Variants in USP49 observed in about 807,000 individuals in gnomAD.
USP49 encodes the protein ubiquitin specific peptidase 49, also known as ubiquitin carboxyl-terminal hydrolase 49.
Under a neutral mutation model 58.6 loss-of-function variants are expected in USP49, and 24 were observed. That is an observed-to-expected ratio of 0.41 (90% CI 0.30 to 0.58). The LOEUF (loss-of-function observed/expected upper bound fraction) is 0.58. Ranked by LOEUF, USP49 falls within the 20% of genes least tolerant of loss-of-function variation. The pLI is 0.30. For synonymous variants in USP49, 408 were observed against 365.1 expected, an observed-to-expected ratio of 1.12 and a Z score of -1.34; for missense variants, 703 against 866.1, an observed-to-expected ratio of 0.81 and a Z score of 2.36.
At chr6:41,863,854 C>T (rs1261932835) in intron 3 of USP49, among the ~76,000 whole-genome samples, 1 of 152,078 alleles carries the variant, frequency 6.6e-6, no homozygotes, top group Non-Finnish European at 1.5e-5. Context: ...CCTCCTCGGG[C>T]TCAGGTGATC....
chr6:41,845,866 T>C (rs1255736357), intron 3 of USP49, among the ~76,000 whole-genome samples: 1 of 152,178 alleles, frequency 6.6e-6, no homozygotes, highest in Non-Finnish European at 1.5e-5. Flanking sequence ...GCAGGATTGT[T>C]TCTTTGGGGA....
chr6:41,883,073 G>C (rs1472944343), intron 2 of USP49, among the ~76,000 whole-genome samples: 1 of 151,906 alleles, frequency 6.6e-6, no homozygotes. Flanking sequence ...GGAAACAAAG[G>C]ATATGAAGAG....
chr6:41,826,631 T>G (rs1214859091), intron 3 of USP49, among the ~76,000 whole-genome samples: 1 of 152,104 alleles, frequency 6.6e-6, no homozygotes. Context: ...GGTTTTATCT[T>G]CTGAGGTTGA....
chr6:41,883,947 T>C (rs146918865), intron 2 of USP49, among the ~76,000 whole-genome samples: 34 of 152,306 alleles, frequency 2.2e-4, no homozygotes, highest in Admixed American at 3.9e-4. Context: ...CCCATCACTA[T>C]GAGAATGGAT....
intron 3 of USP49, among the ~76,000 whole-genome samples, chr6:41,863,587 A>G (rs1348371131): frequency 1.3e-5 from 2 of 152,212 alleles, no homozygotes; most frequent in African/African-American, 4.8e-5. Flanking sequence ...ACAGCTAGGC[A>G]CTGTATAAGT....
intron 3 of USP49, among the ~76,000 whole-genome samples, chr6:41,854,000 GAAAAAAAAAA>G (rs1314186814): frequency 8.8e-6 from 1 of 113,174 alleles, no homozygotes; most frequent in Non-Finnish European, 1.7e-5. Flanking sequence ...ACTCTGTCTC[GAAAAAAAAAA>G]AAAAAAAAAA....
rs962825067 is a variant in USP49, at chr6:41,806,310, C to T, written c.674G>A (p.Arg225His). 3.2e-6 allele frequency: 5 copies of T among 1,573,328 alleles called. No individual in the cohort carries two copies. Among genetic ancestry groups the T allele is most frequent in the Admixed American group, 3.6e-5 (2 of 55,754 alleles). Residue 225 changes from arginine (R) to histidine (H), a missense_variant, in exon 4 of 8, where the codon CGC becomes CAC. Arg to His is a conservative substitution (Grantham distance 29, BLOSUM62 0). Coordinates refer to ENST00000682992, the MANE Select transcript of USP49 (RefSeq NM_001286554.2). This position sits in a 1 kb window ranked among gnomAD's most constrained non-coding sequence, Gnocchi z 5.9. ...GCGTGAGGTAGGGAGGGCGGCGGGG[C>T]GCGAGGCAGCCGGGCCCGCGTCGCG... ...TPRDAGPAASRPAALPTSRRV... is the reference protein window; with the variant it reads ...TPRDAGPAASHPAALPTSRRV...
chr6:41,805,602 C>T, intron 4 of USP49, 26 bp downstream of exon 4: 1 of 1,589,230 alleles, frequency 6.3e-7, no homozygotes, highest in Non-Finnish European at 8.6e-7. Context: ...ACAAGCCTCT[C>T]ATTGTCATGG....
chr6:41,862,489 TAA>T (rs1167305961), intron 3 of USP49, among the ~76,000 whole-genome samples: 1 of 152,242 alleles, frequency 6.6e-6, no homozygotes, highest in Non-Finnish European at 1.5e-5. Flanking sequence ...CTCAGCCTTG[TAA>T]AATTGATTTC....
intron 3 of USP49, among the ~76,000 whole-genome samples, chr6:41,852,781 G>A (rs1409497940): frequency 1.3e-5 from 2 of 152,204 alleles, no homozygotes; most frequent in Non-Finnish European, 2.9e-5. Flanking sequence ...AATGTTCATA[G>A]CAGCACTATT....
intron 3 of USP49, among the ~76,000 whole-genome samples, chr6:41,846,744 C>A (rs781273446): frequency 6.6e-6 from 1 of 150,984 alleles, no homozygotes; most frequent in East Asian, 1.9e-4. Context: ...TCCTATGTAG[C>A]ATAGCACAGA....
chr6:41,825,066 G>A (rs754193302), intron 3 of USP49, among the ~76,000 whole-genome samples: 2 of 152,206 alleles, frequency 1.3e-5, no homozygotes, highest in Non-Finnish European at 2.9e-5. Flanking sequence ...GAGCGCCAGT[G>A]CATATCCAGG....
At chr6:41,856,353 C>T (rs1582024219) in intron 3 of USP49, among the ~76,000 whole-genome samples, 2 of 149,780 alleles carry the variant, frequency 1.3e-5, no homozygotes, top group South Asian at 2.1e-4. Context: ...CCAGCCTGGG[C>T]GACAGAGCGA....
rs1433892745 is a variant in USP49, at chr6:41,790,770, C to T, written c.*5763G>A. On this transcript the variant is annotated 3_prime_UTR_variant, in exon 8 of 8. Transcript: ENST00000682992. ...GTATGTATATAAAAACAGCACCATT[C>T]TTTGTATAAATCAGATAGATCTTAT... 1 of 152,136 alleles carries T rather than the reference C, an allele frequency of 6.6e-6. No homozygotes were observed. Among genetic ancestry groups the T allele is most frequent in the African/African-American group, 2.4e-5 (1 of 41,426 alleles). 9.4% of individuals were successfully genotyped at this position (152,136 alleles called of 1,614,324 possible).
intron 3 of USP49, among the ~76,000 whole-genome samples, chr6:41,843,268 C>CA (rs1411111226): frequency 2.0e-5 from 3 of 152,174 alleles, no homozygotes; most frequent in African/African-American, 7.2e-5. Context: ...CACTGTGCTA[C>CA]ATATTTCATC....
chr6:41,820,181 GTTT>G (rs58334288), intron 3 of USP49, among the ~76,000 whole-genome samples: 1 of 148,030 alleles, frequency 6.8e-6, no homozygotes, highest in Non-Finnish European at 1.5e-5. Context: ...TACATCATTA[GTTT>G]TTTTTTTTTT....
chr6:41,844,341 C>CA (rs1214595916), intron 3 of USP49, among the ~76,000 whole-genome samples: 1 of 151,206 alleles, frequency 6.6e-6, no homozygotes. Context: ...TTCTTTGAGA[C>CA]AGAGTCTCCT....
At chr6:41,840,471 G>T (rs1352577945) in intron 3 of USP49, among the ~76,000 whole-genome samples, 1 of 152,104 alleles carries the variant, frequency 6.6e-6, no homozygotes, top group Non-Finnish European at 1.5e-5. Context: ...TTGGGTCAGT[G>T]AAGTTCTCTT....
intron 3 of USP49, among the ~76,000 whole-genome samples, chr6:41,859,775 A>T (rs1561920591): frequency 6.6e-6 from 1 of 152,224 alleles, no homozygotes; most frequent in East Asian, 1.9e-4. Flanking sequence ...GAGTTCAAAA[A>T]ATAAGACAAT....
Sources: gnomAD v4.1 joint callset for allele counts (sites outside exome capture counted in the v4.1 genomes callset) on GRCh38, gnomAD v4.1.1 for gene constraint, Gnocchi (gnomAD v3.1) non-coding constraint, MANE v1.5 for transcripts, NCBI Gene and HGNC (gene_info 2026-07-23, HGNC 2026-07-21) for gene names.